Variants in UNC13C observed in about 807,000 individuals in gnomAD.
UNC13C encodes unc-13 homolog C.
A neutral mutation model predicts 245.4 loss-of-function variants in UNC13C; 174 were observed. The observed-to-expected ratio is 0.71, with a 90% confidence interval of 0.63 to 0.80. The LOEUF (loss-of-function observed/expected upper bound fraction) is 0.80, where lower values mean the gene tolerates loss of function less well. UNC13C is among the 30% of genes least tolerant of loss of function. The probability of loss-of-function intolerance (pLI) is 0.00; values close to 1 mark genes in which losing one functional copy is unlikely to be tolerated. For synonymous variants in UNC13C, 992 were observed against 895.1 expected (o/e 1.11, Z -1.93); for missense variants, 2,829 against 2,602.9 (o/e 1.09, Z -1.89).
At chr15:53,906,369 T>C in the UNC13C span, among the ~76,000 whole-genome samples, 6 of 152,208 alleles carry the variant, frequency 3.9e-5, no homozygotes, top group African/African-American at 1.4e-4. Flanking sequence ...ACTACTGCAC[T>C]AGGTCTGGCA....
chr15:53,907,599 A>T, the UNC13C span, among the ~76,000 whole-genome samples: 1 of 152,132 alleles, frequency 6.6e-6, no homozygotes, highest in Admixed American at 6.5e-5. Context: ...CCTCATATGT[A>T]ATGTGGAGAT....
chr15:53,976,475 C>CTTTTTTTT (rs879775519), upstream of UNC13C, among the ~76,000 whole-genome samples: 56 of 63,718 alleles, frequency 8.8e-4, no homozygotes, highest in African/African-American at 1.9e-3. Context: ...CTCTCTCTCT[C>CTTTTTTTT]TCTTTTTTTT....
the UNC13C span, among the ~76,000 whole-genome samples, chr15:53,949,052 C>T: frequency 6.6e-6 from 1 of 152,126 alleles, no homozygotes; most frequent in Middle Eastern, 3.2e-3. Context: ...TAATGTCTTC[C>T]CTCAAGGGAC....
At chr15:54,120,739 C>T (rs34281420) in intron 2 of UNC13C, among the ~76,000 whole-genome samples, 29,691 of 151,288 alleles carry the variant, frequency 0.2, 3,120 homozygotes, top group South Asian at 0.28. Flanking sequence ...GTCAAAATAC[C>T]AACATTAATA....
intron 22 of UNC13C, among the ~76,000 whole-genome samples, chr15:54,505,553 G>C (rs1390142266): frequency 6.6e-6 from 1 of 152,110 alleles, no homozygotes; most frequent in African/African-American, 2.4e-5. Context: ...ATAAGCAACA[G>C]CTTATTAGTA....
At chr15:53,891,617 C>T in the UNC13C span, among the ~76,000 whole-genome samples, 2 of 152,122 alleles carry the variant, frequency 1.3e-5, no homozygotes, top group African/African-American at 2.4e-5. Flanking sequence ...TATATAATGT[C>T]CTTTTTTGTC....
At chr15:54,334,293 G>A (rs1349635816) in intron 16 of UNC13C, among the ~76,000 whole-genome samples, 3 of 152,136 alleles carry the variant, frequency 2.0e-5, no homozygotes, top group Non-Finnish European at 4.4e-5. Flanking sequence ...GAATGTCTGT[G>A]TAGGAATATA....
At chr15:54,441,950 G>A (rs1490456551) in intron 19 of UNC13C, among the ~76,000 whole-genome samples, 1 of 151,378 alleles carries the variant, frequency 6.6e-6, no homozygotes, top group Non-Finnish European at 1.5e-5. Context: ...ATTTTAAATG[G>A]GATTTTCTTC....
rs560813837 is a variant in UNC13C, at chr15:54,586,844, G to A, written c.6106+18897G>A. On this transcript the variant is annotated intron_variant, in intron 30 of 32. Coordinates refer to ENST00000260323, the MANE Select transcript of UNC13C (RefSeq NM_001080534.3). ...CTCCTGGTTAGCCAGGGAGTAAATCGTTGCATTCCTGATAATTTGGAAAGG... is the reference window on the plus strand; with the variant it reads ...CTCCTGGTTAGCCAGGGAGTAAATCATTGCATTCCTGATAATTTGGAAAGG... 9.2e-5 allele frequency among the ~76,000 whole-genome samples: 14 copies of A among 152,264 alleles called. No individual in the cohort carries two copies. The South Asian group carries it at 1.9e-3, about 20-fold the overall frequency.
intron 24 of UNC13C, among the ~76,000 whole-genome samples, chr15:54,518,605 A>G (rs986000331): frequency 1.3e-5 from 2 of 152,166 alleles, no homozygotes; most frequent in Admixed American, 6.6e-5. Flanking sequence ...GTAAAATTTA[A>G]CTTCTTTAAC....
intron 24 of UNC13C, among the ~76,000 whole-genome samples, chr15:54,520,468 C>T (rs578260389): frequency 3.3e-5 from 5 of 152,220 alleles, no homozygotes; most frequent in African/African-American, 1.2e-4. Context: ...GATTCTCAGG[C>T]ATGCTGTTAA....
chr15:53,930,908 A>T, the UNC13C span, among the ~76,000 whole-genome samples: 1 of 152,182 alleles, frequency 6.6e-6, no homozygotes, highest in Admixed American at 6.5e-5. Context: ...TTTACACTCA[A>T]ATGAAGTTAT....
At chr15:54,327,509 A>G (rs1427406433) in intron 14 of UNC13C, among the ~76,000 whole-genome samples, 1 of 152,082 alleles carries the variant, frequency 6.6e-6, no homozygotes, top group African/African-American at 2.4e-5. Flanking sequence ...GGAAAACACC[A>G]ATTATTTTTT....
At chr15:53,893,612 G>C in the UNC13C span, among the ~76,000 whole-genome samples, 70 of 152,274 alleles carry the variant, frequency 4.6e-4, no homozygotes, top group South Asian at 0.014. Flanking sequence ...AGTGGGCTCC[G>C]CCCAGTTTGA....
chr15:54,479,328 A>G (rs1047985508), intron 19 of UNC13C, among the ~76,000 whole-genome samples: 2 of 151,914 alleles, frequency 1.3e-5, no homozygotes, highest in Non-Finnish European at 2.9e-5. Context: ...ATTATTATAT[A>G]ATGTTCTTCT....
chr15:54,442,290 G>A (rs1333055034), intron 19 of UNC13C, among the ~76,000 whole-genome samples: 2 of 127,428 alleles, frequency 1.6e-5, no homozygotes, highest in Non-Finnish European at 3.2e-5. Context: ...TCACTCTGTT[G>A]CCCAGGCTGG....
At chr15:54,456,004 A>G (rs752460367) in intron 19 of UNC13C, among the ~76,000 whole-genome samples, 1 of 152,162 alleles carries the variant, frequency 6.6e-6, no homozygotes, top group Non-Finnish European at 1.5e-5. Context: ...GTTTCAGGTC[A>G]TAGGCCTAAG....
At chr15:54,551,793 A>G (rs1896745440) in intron 28 of UNC13C, among the ~76,000 whole-genome samples, 1 of 151,960 alleles carries the variant, frequency 6.6e-6, no homozygotes, top group African/African-American at 2.4e-5. Context: ...CAGTCCATTT[A>G]GTTATTACTA....
the UNC13C span, among the ~76,000 whole-genome samples, chr15:53,887,936 C>G: frequency 1.3e-5 from 2 of 152,166 alleles, no homozygotes; most frequent in Non-Finnish European, 2.9e-5. Flanking sequence ...GCCACATTTT[C>G]TTTATCCAGT....
Sources: gnomAD v4.1 joint callset for allele counts (sites outside exome capture counted in the v4.1 genomes callset) on GRCh38, gnomAD v4.1.1 for gene constraint, MANE v1.5 for transcripts, NCBI Gene and HGNC (gene_info 2026-07-23, HGNC 2026-07-21) for gene names.